ASPH: variants seen among roughly 807,000 people sequenced by gnomAD.
ASPH encodes aspartyl/asparaginyl beta-hydroxylase.
ASPH carries 100 observed loss-of-function variants against 118.4 expected under a neutral mutation model. The observed-to-expected ratio is 0.84, with a 90% CI of 0.72 to 1.00. The LOEUF (loss-of-function observed/expected upper bound fraction) is 1.00, where lower values mean the gene tolerates loss of function less well. ASPH is among the 50% of genes least tolerant of loss of function. The probability of loss-of-function intolerance (pLI) is 0.00; values close to 1 mark genes in which losing one functional copy is unlikely to be tolerated. For missense variants in ASPH, 920 were observed against 919.5 expected (o/e 1.00, Z -0.01); for synonymous variants, 315 against 325.6 (o/e 0.97, Z 0.35).
chr8:61,625,007 G>A (rs939306653), intron 13 of ASPH: 4 of 985,244 alleles, frequency 4.1e-6, no homozygotes, highest in African/African-American at 1.7e-5. Flanking sequence ...AAATATAGAA[G>A]TATCTTTGAT....
intron 20 of ASPH, among the ~76,000 whole-genome samples, chr8:61,551,893 C>T (rs1826147542): frequency 6.6e-6 from 1 of 152,148 alleles, no homozygotes; most frequent in Non-Finnish European, 1.5e-5. Context: ...ATATCTCATT[C>T]CATTTCAGTT....
chr8:61,550,442 TAC>T (rs34577657), intron 20 of ASPH, among the ~76,000 whole-genome samples: 35,698 of 147,542 alleles, frequency 0.24, 5,537 homozygotes, highest in East Asian at 0.44. Flanking sequence ...CACATGTACA[TAC>T]ACACACACAC....
rs182933574 is a variant in ASPH, at chr8:61,547,500, C to T, written c.1764+571G>A. Among the ~76,000 whole-genome samples, 410 of 152,210 alleles carry T rather than the reference C, an allele frequency of 2.7e-3. 1 individual carries two copies. The highest frequency in any genetic ancestry group is 0.02 in the South Asian group (95 of 4,824). On this transcript the variant is annotated intron_variant, in intron 21 of 24. Transcript: ENST00000379454. ...TGCTCTTTTCATTCTTTTCTGGGCA[C>T]ACAGTAGAGTTTTCCAGAAGCTACA...
At chr8:61,691,394 T>C (rs1832603695) in intron 1 of ASPH, among the ~76,000 whole-genome samples, 1 of 152,170 alleles carries the variant, frequency 6.6e-6, no homozygotes, top group South Asian at 2.1e-4. Context: ...CAAGCGTCCT[T>C]TCCCCCATTA....
chr8:61,688,284 G>A (rs1256695764), intron 1 of ASPH, among the ~76,000 whole-genome samples: 1 of 152,050 alleles, frequency 6.6e-6, no homozygotes, highest in African/African-American at 2.4e-5. Context: ...ATTTTTACTG[G>A]GGTTTAAGAA....
chr8:61,707,362 A>G (rs1836947648), intron 1 of ASPH, among the ~76,000 whole-genome samples: 1 of 152,230 alleles, frequency 6.6e-6, no homozygotes, highest in Non-Finnish European at 1.5e-5. Context: ...TAACTTCACT[A>G]GTAATTAGAA....
chr8:61,655,076 G>C (rs764679601), intron 3 of ASPH, among the ~76,000 whole-genome samples: 1 of 152,188 alleles, frequency 6.6e-6, no homozygotes, highest in African/African-American at 2.4e-5. Context: ...AAAAGCTTAA[G>C]AATCTCAAGA....
intron 15 of ASPH, chr8:61,579,519 G>T: frequency 6.4e-7 from 1 of 1,561,652 alleles, no homozygotes; most frequent in South Asian, 1.1e-5. Context: ...CACAAGCCCC[G>T]GCCTCAGCTA....
intron 19 of ASPH, among the ~76,000 whole-genome samples, chr8:61,554,906 A>C (rs560622361): frequency 8.5e-4 from 129 of 152,146 alleles, no homozygotes; most frequent in African/African-American, 3.0e-3. Context: ...AGAGATGGGA[A>C]TCTCACTAGG....
intron 1 of ASPH, among the ~76,000 whole-genome samples, chr8:61,713,213 C>T (rs1838490403): frequency 6.6e-6 from 1 of 152,170 alleles, no homozygotes; most frequent in East Asian, 1.9e-4. Context: ...CATTTAAATC[C>T]ATTCATTCAT....
rs75739161 is a variant in ASPH, at chr8:61,680,770, T to C, written c.322+198A>G. 2.6e-3 allele frequency: 1,115 copies of C among 427,190 alleles called. 13 individuals are homozygous for C. The East Asian group carries it at 0.036, about 14-fold the overall frequency. The allele number at this position is 427,190 out of a possible 1,614,324, so 26.5% of individuals were successfully genotyped here. On this transcript the variant is annotated intron_variant, in intron 3 of 24. Coordinates refer to ENST00000379454, the MANE Select transcript of ASPH (RefSeq NM_004318.4). Reference sequence around the variant, plus strand: ...TATATGTGTAAGAGATATACACTTATTCATTGATAAAAGTAAATTGACATG... The same window carrying C: ...TATATGTGTAAGAGATATACACTTACTCATTGATAAAAGTAAATTGACATG...
chr8:61,621,531 A>G (rs1481779525), intron 13 of ASPH, among the ~76,000 whole-genome samples: 10 of 152,200 alleles, frequency 6.6e-5, no homozygotes, highest in African/African-American at 2.4e-4. Flanking sequence ...ACCTCATATG[A>G]ACCTCACTGT....
At chr8:61,681,631 T>C (rs1011723044) in intron 2 of ASPH, among the ~76,000 whole-genome samples, 2 of 151,774 alleles carry the variant, frequency 1.3e-5, no homozygotes, top group Non-Finnish European at 3.0e-5. Flanking sequence ...ATAAAGTATA[T>C]AAAACTGGAG....
intron 10 of ASPH, among the ~76,000 whole-genome samples, chr8:61,641,565 A>T (rs1805141157): frequency 6.6e-6 from 1 of 152,150 alleles, no homozygotes; most frequent in East Asian, 1.9e-4. Flanking sequence ...TACCTTAAAG[A>T]CACAACCTAG....
intron 1 of ASPH, among the ~76,000 whole-genome samples, chr8:61,696,097 G>A (rs960261801): frequency 6.6e-6 from 1 of 152,114 alleles, no homozygotes. Context: ...CTCCCTGATT[G>A]ATCTTGGATG....
In ASPH at chr8:61,500,975, A is replaced by AT. The variant is rs1017358502; in HGVS notation, c.*2383dup. The AT allele has an allele frequency of 3.3e-5, 5 of 152,228 alleles. No individual in the cohort carries two copies. Among genetic ancestry groups the AT allele is most frequent in the South Asian group, 2.1e-4 (1 of 4,828 alleles). The allele number at this position is 152,228 out of a possible 1,614,324, so 9.4% of individuals were successfully genotyped here. On this transcript the variant is annotated 3_prime_UTR_variant, in exon 25 of 25. Transcript: ENST00000379454. ...CTTTCTCAATGGATCTAATGTTTTA[A>AT]TTTTTTCCCCTATTGGTAGAGAACA...
intron 16 of ASPH, among the ~76,000 whole-genome samples, chr8:61,568,431 C>T (rs1452204739): frequency 6.6e-6 from 1 of 152,156 alleles, no homozygotes; most frequent in Non-Finnish European, 1.5e-5. Flanking sequence ...TCAGTGATTA[C>T]TGGATGAACC....
intron 1 of ASPH, among the ~76,000 whole-genome samples, chr8:61,688,365 A>G (rs544832408): frequency 6.0e-4 from 91 of 152,274 alleles, no homozygotes; most frequent in Non-Finnish European, 8.2e-4. Flanking sequence ...CCAAATCAGA[A>G]AATGTTCCCA....
chr8:61,559,945 G>T lies in ASPH; in HGVS notation c.1437+2799C>A, dbSNP rs57705474. Among the ~76,000 whole-genome samples the T allele has an allele frequency of 2.6e-3, 390 of 148,730 alleles. 4 individuals carry two copies. Among genetic ancestry groups the T allele is most frequent in the African/African-American group, 9.2e-3 (354 of 38,636 alleles). On this transcript the variant is annotated intron_variant, in intron 18 of 24. Transcript: ENST00000379454. Reference sequence around the variant, plus strand: ...TGTTTTAGTGTTGGTGAGGGTTGGGGGGGGGAGCAAGCTAGGACAGGATAA... The same window carrying T: ...TGTTTTAGTGTTGGTGAGGGTTGGGTGGGGGAGCAAGCTAGGACAGGATAA...
Sources: allele counts gnomAD v4.1 joint callset (sites outside exome capture counted in the v4.1 genomes callset), GRCh38; gene constraint gnomAD v4.1.1; transcripts MANE v1.5; gene names NCBI Gene and HGNC (gene_info 2026-07-23, HGNC 2026-07-21).